KIAA0319: variants seen among roughly 807,000 people sequenced by gnomAD.
The protein encoded by KIAA0319 is KIAA0319.
KIAA0319 carries 83 observed loss-of-function variants against 108.4 expected under a neutral mutation model. That is an observed-to-expected ratio of 0.77 (90% CI 0.64 to 0.92). The LOEUF (loss-of-function observed/expected upper bound fraction) is 0.92. Among genes scored for constraint, KIAA0319 ranks in the 40% least tolerant of loss-of-function variants. KIAA0319 has a pLI of 0.00. For missense variants in KIAA0319, 1,195 were observed against 1,322.4 expected (o/e 0.90, Z 1.49); for synonymous variants, 484 against 510.4 (o/e 0.95, Z 0.70).
At chr6:24,579,665 C>T (rs1008685807) in intron 8 of KIAA0319, among the ~76,000 whole-genome samples, 193 bp downstream of exon 8, 3 of 150,928 alleles carry the variant, frequency 2.0e-5, no homozygotes, top group Admixed American at 6.6e-5. Flanking sequence ...ATAGAATAGA[C>T]GAAAGGTGAA....
At chr6:24,632,115 T>C (rs1460875834) in intron 1 of KIAA0319, among the ~76,000 whole-genome samples, 2 of 152,174 alleles carry the variant, frequency 1.3e-5, no homozygotes, top group African/African-American at 4.8e-5. Context: ...TTTTTCCCTA[T>C]GAAGGAAGAG....
chr6:24,556,865 A>G (rs1251970761), intron 17 of KIAA0319, 136 bp from the exon 18 acceptor site: 1 of 1,028,440 alleles, frequency 9.7e-7, no homozygotes, highest in Non-Finnish European at 1.3e-6. Flanking sequence ...CAGTGTGGAC[A>G]GGGGTTCTGG....
chr6:24,578,069 G>GT, intron 9 of KIAA0319, 41 bp downstream of exon 9: 17 of 1,548,512 alleles, frequency 1.1e-5, no homozygotes, highest in Non-Finnish European at 1.4e-5. Flanking sequence ...CAGTCAAAAT[G>GT]TAAGTAGCAG....
Position 24,588,657 on chromosome 6 carries a change from G to T in KIAA0319, c.930C>A (p.Ser310Arg), listed in dbSNP as rs149704828. ...TEHSIPTPPT[S>R]AAPSESTPSE... is the part of the protein sequence containing the mutation. ...ATGGGGTGGACTCAGAGGGGGCTGC[G>T]CTAGTGGGAGGTGTTGGGATGCTGT... Residue 310 changes from serine to arginine, a missense_variant, in exon 4 of 21, where the codon AGC (serine) becomes AGA (arginine). Transcript: ENST00000378214. 24 of 1,613,896 alleles carry T rather than the reference G, an allele frequency of 1.5e-5. No individual in the cohort carries two copies. The highest frequency in any genetic ancestry group is 1.9e-5 in the Non-Finnish European group (23 of 1,179,972).
At chr6:24,574,812 C>T (rs1386510038) in intron 10 of KIAA0319, among the ~76,000 whole-genome samples, 1 of 151,946 alleles carries the variant, frequency 6.6e-6, no homozygotes, top group Non-Finnish European at 1.5e-5. Flanking sequence ...AAAAAAAATA[C>T]TTTCCCCTAC....
At chr6:24,631,736 G>T (rs1211701017) in intron 1 of KIAA0319, among the ~76,000 whole-genome samples, 1 of 152,160 alleles carries the variant, frequency 6.6e-6, no homozygotes, top group Admixed American at 6.5e-5. Flanking sequence ...ATCTAACGGG[G>T]TCACCACTGC....
chr6:24,628,073 T>C (rs532981745), intron 1 of KIAA0319, among the ~76,000 whole-genome samples: 16 of 152,338 alleles, frequency 1.1e-4, no homozygotes, highest in African/African-American at 3.8e-4. Flanking sequence ...GCACACGTAG[T>C]GCTGGAAAGC....
At chr6:24,583,569 T>TTTTTCTTCCTCC (rs1210220874) in intron 5 of KIAA0319, 35 bp downstream of exon 5, 3 of 1,416,744 alleles carry the variant, frequency 2.1e-6, no homozygotes, top group Non-Finnish European at 3.0e-6. Context: ...AACACCCCAG[T>TTTTTCTTCCTCC]TCCTAGTGGT....
intron 1 of KIAA0319, among the ~76,000 whole-genome samples, chr6:24,605,840 A>G (rs1771322003): frequency 6.6e-6 from 1 of 152,184 alleles, no homozygotes; most frequent in African/African-American, 2.4e-5. Context: ...TTAATAAAAT[A>G]CACTTATAGA....
intron 8 of KIAA0319, among the ~76,000 whole-genome samples, chr6:24,578,508 C>A (rs1765875358): frequency 6.6e-6 from 1 of 152,152 alleles, no homozygotes; most frequent in African/African-American, 2.4e-5. Flanking sequence ...GATGCTTTTG[C>A]TTTTAAAAAA....
At chr6:24,586,097 A>G (rs1767444494) in intron 4 of KIAA0319, among the ~76,000 whole-genome samples, 1 of 151,268 alleles carries the variant, frequency 6.6e-6, no homozygotes, top group South Asian at 2.1e-4. Flanking sequence ...CAAAACAAAC[A>G]AAAAAAAACA....
intron 1 of KIAA0319, among the ~76,000 whole-genome samples, chr6:24,623,731 T>C (rs774608482): frequency 3.3e-5 from 5 of 152,176 alleles, no homozygotes; most frequent in Non-Finnish European, 7.3e-5. Context: ...AGGGTGACTA[T>C]AGTTAACAAT....
chr6:24,598,654 T>C, intron 2 of KIAA0319: 1 of 296,252 alleles, frequency 3.4e-6, no homozygotes, highest in Non-Finnish European at 6.6e-6. Flanking sequence ...GGTGGGTGGA[T>C]CACCTGAGGA....
At chr6:24,557,601 A>G (rs949786440) in intron 17 of KIAA0319, among the ~76,000 whole-genome samples, 2 of 152,190 alleles carry the variant, frequency 1.3e-5, no homozygotes, top group Admixed American at 6.6e-5. Context: ...ATGCCCAAAG[A>G]TTTATCTACA....
chr6:24,644,049 T>C (rs1777300023), intron 1 of KIAA0319, among the ~76,000 whole-genome samples: 1 of 152,230 alleles, frequency 6.6e-6, no homozygotes, highest in African/African-American at 2.4e-5. Context: ...TCAACGTTGG[T>C]GACAAAAAAA....
chr6:24,630,048 G>T (rs374035481), intron 1 of KIAA0319, among the ~76,000 whole-genome samples: 2 of 152,014 alleles, frequency 1.3e-5, no homozygotes, highest in East Asian at 3.9e-4. Context: ...GCATGGTGGC[G>T]CATGCCTGTG....
intron 1 of KIAA0319, among the ~76,000 whole-genome samples, chr6:24,634,154 A>G (rs1775916422): frequency 6.6e-6 from 1 of 152,222 alleles, no homozygotes; most frequent in Non-Finnish European, 1.5e-5. Context: ...TGAAGGACTG[A>G]AAGCGCTAAA....
At chr6:24,645,651 TC>T (rs1777517402) in intron 1 of KIAA0319, 84 bp downstream of exon 1, 1 of 152,210 alleles carries the variant, frequency 6.6e-6, no homozygotes, top group South Asian at 2.1e-4. Flanking sequence ...GCGTCTCGAT[TC>T]TACTTTTGTT....
rs72393319 is a variant in KIAA0319, at chr6:24,553,274, G to GATATAT, written c.2948+1261_2948+1266dup. Among the ~76,000 whole-genome samples the GATATAT allele has an allele frequency of 1.5e-4, 15 of 102,054 alleles. No individual in the cohort carries two copies. The East Asian group carries it at 2.0e-3, about 14-fold the overall frequency. 67.0% of individuals were successfully genotyped at this position (102,054 alleles called of 152,430 possible). ...AGGCCACTTAGGTACTTGTGAGATA[G>GATATAT]ATATATATATATATATATATACACA... is the stretch of plus-strand genomic sequence containing the variant. On this transcript the variant is annotated intron_variant, in intron 19 of 20. Transcript: ENST00000378214.
Sources: gnomAD v4.1 joint callset for allele counts (sites outside exome capture counted in the v4.1 genomes callset) on GRCh38, gnomAD v4.1.1 for gene constraint, MANE v1.5 for transcripts, NCBI Gene and HGNC (gene_info 2026-07-23, HGNC 2026-07-21) for gene names.